MTG2: variants seen among roughly 807,000 people sequenced by gnomAD.
MTG2 encodes mitochondrial ribosome associated GTPase 2, also known as mitochondrial ribosome-associated GTPase 2.
In MTG2, 23 loss-of-function variants were observed where a neutral mutation model predicts 28.6. The observed-to-expected ratio is 0.80, with a 90% CI of 0.58 to 1.14. The LOEUF (loss-of-function observed/expected upper bound fraction) is 1.14. MTG2 is among the 50% of genes most tolerant of loss of function. The pLI is 0.00. For synonymous variants in MTG2, 260 were observed against 251.8 expected, an observed-to-expected ratio of 1.03 and a Z score of -0.31; for missense variants, 539 against 552.0, an observed-to-expected ratio of 0.98 and a Z score of 0.24.
At chr20:62,193,018 A>AATT (rs1388306153) in intron 1 of MTG2, among the ~76,000 whole-genome samples, 2 of 152,224 alleles carry the variant, frequency 1.3e-5, no homozygotes, top group Non-Finnish European at 2.9e-5. Flanking sequence ...AACAACTTTA[A>AATT]AATTACACAG....
At position 62,198,872 on chromosome 20, in the gene MTG2, A is replaced by G. The variant is rs752506847; in HGVS notation, c.687+20A>G. On this transcript the variant is annotated intron_variant, in intron 5 of 6. Coordinates refer to ENST00000370823, the MANE Select transcript of MTG2 (RefSeq NM_015666.4). The stretch of plus-strand genomic sequence containing the variant: ...GGAATGGTAGGTGTCCCCACTGCCA[A>G]CAGCATCTGCACACACTCAGCTCTA... 2 of 1,613,434 alleles carry G rather than the reference A, an allele frequency of 1.2e-6. No homozygotes were observed. Among genetic ancestry groups the G allele is most frequent in the African/African-American group, 1.3e-5 (1 of 75,048 alleles).
rs377153319 is a variant in MTG2 at position 62,195,113 on chromosome 20, A to G, written c.205-689A>G. 1.3e-3 allele frequency among the ~76,000 whole-genome samples: 198 copies of G among 152,134 alleles called. 2 individuals carry two copies. Among genetic ancestry groups the G allele is most frequent in the African/African-American group, 4.7e-3 (194 of 41,510 alleles). On this transcript the variant is annotated intron_variant, in intron 2 of 6. Transcript: ENST00000370823. ...TAGGAGGCTGAGGCAGGAGAATGGC[A>G]TGAACCTGGGAGGCAGAGCTTGCAG...
chr20:62,193,707 C>G (rs1327966703), intron 2 of MTG2, 83 bp downstream of exon 2: 2 of 1,291,416 alleles, frequency 1.5e-6, no homozygotes, highest in Non-Finnish European at 2.1e-6. Context: ...CTCTGGGTCT[C>G]ATCTCTGTTG....
At chr20:62,184,642 C>T (rs1330876394) in intron 1 of MTG2, among the ~76,000 whole-genome samples, 1 of 152,168 alleles carries the variant, frequency 6.6e-6, no homozygotes, top group Non-Finnish European at 1.5e-5. Context: ...CCTGCTCCTG[C>T]CTCCAGTCTC....
intron 1 of MTG2, among the ~76,000 whole-genome samples, chr20:62,187,985 G>A (rs1274127583): frequency 1.3e-5 from 2 of 151,892 alleles, no homozygotes; most frequent in African/African-American, 4.8e-5. Flanking sequence ...TTAAATTCTG[G>A]TATTTCATGG....
In MTG2 at chr20:62,199,270, G is replaced by C; in HGVS notation, c.826+13G>C. 1 of 1,607,264 alleles carries C rather than the reference G, an allele frequency of 6.2e-7. No homozygotes were observed. The highest frequency in any genetic ancestry group is 1.1e-5 in the South Asian group (1 of 90,888). On this transcript the variant is annotated intron_variant, in intron 6 of 6. Transcript: ENST00000370823. ...CTACAAATAGCAGGTAGAACTTCCAGAATTCTCCCAAAGGTTAGATTTAAA... is the reference window on the plus strand; with the variant it reads ...CTACAAATAGCAGGTAGAACTTCCACAATTCTCCCAAAGGTTAGATTTAAA...
intron 1 of MTG2, 32 bp from the exon 2 acceptor site, chr20:62,193,384 A>G: frequency 1.2e-6 from 2 of 1,603,968 alleles, no homozygotes; most frequent in Non-Finnish European, 1.7e-6. Context: ...CATTAAACCA[A>G]GTATCTCATT....
At position 62,198,677 on chromosome 20, in the gene MTG2, C is replaced by G. The variant is rs1429360948; in HGVS notation, c.512C>G (p.Ala171Gly). The change falls in exon 5 of 7, where the codon GCC (alanine) becomes GGC (glycine). Residue 171 changes from alanine to glycine, a missense_variant. By Grantham distance (60) the Ala-to-Gly change is moderately conservative. Coordinates refer to ENST00000370823, the MANE Select transcript of MTG2 (RefSeq NM_015666.4). Reference sequence around the variant, plus strand: ...GTGAAGGAGGGAGGCAGAGTTGTGGCCGACCTGTCTTGCGTGGGAGATGAG... The same window carrying G: ...GTGAAGGAGGGAGGCAGAGTTGTGGGCGACCTGTCTTGCGTGGGAGATGAG... Reference protein sequence around the residue: ...TLVKEGGRVVADLSCVGDEYI... With the variant: ...TLVKEGGRVVGDLSCVGDEYI... The G allele has an allele frequency of 4.3e-6, 7 of 1,613,976 alleles. No individual in the cohort carries two copies. The highest frequency in any genetic ancestry group is 5.9e-6 in the Non-Finnish European group (7 of 1,180,020).
At chr20:62,194,586 ATTT>A (rs983886181) in intron 2 of MTG2, among the ~76,000 whole-genome samples, 5 of 151,822 alleles carry the variant, frequency 3.3e-5, no homozygotes, top group African/African-American at 1.2e-4. Flanking sequence ...AAATTTTTAA[ATTT>A]TTTTTTGTGT....
intron 6 of MTG2, chr20:62,200,137 T>A (rs1355487406): frequency 6.6e-6 from 1 of 152,362 alleles, no homozygotes; most frequent in African/African-American, 2.4e-5. Context: ...CTTCCCACTC[T>A]ATTTGTCCCC....
At position 62,195,924 on chromosome 20, in the gene MTG2, C is replaced by T. The variant is rs1425763288; in HGVS notation, c.327C>T (p.Gly109=). The T allele has an allele frequency of 3.1e-6, 5 of 1,614,128 alleles. No homozygotes were observed. Among genetic ancestry groups the T allele is most frequent in the Admixed American group, 1.7e-5 (1 of 60,016 alleles). ...GAGGCCCTGATGGAGGGGACGGAGG[C>T]AACGGTGGACACGTCATTCTGAGAG... is the stretch of plus-strand genomic sequence containing the variant. ...EFGGPDGGDG[G]NGGHVILRVD... is the part of the protein sequence containing the mutation. The change falls in exon 3 of 7, where the codon GGC becomes GGT. Residue 109 remains glycine, a synonymous_variant. Transcript: ENST00000370823.
At chr20:62,184,641 G>C (rs1436823640) in intron 1 of MTG2, among the ~76,000 whole-genome samples, 2 of 152,176 alleles carry the variant, frequency 1.3e-5, no homozygotes, top group Non-Finnish European at 2.9e-5. Flanking sequence ...TCCTGCTCCT[G>C]CCTCCAGTCT....
chr20:62,194,665 AT>A (rs2058027275), intron 2 of MTG2, among the ~76,000 whole-genome samples: 1 of 151,960 alleles, frequency 6.6e-6, no homozygotes, highest in African/African-American at 2.4e-5. Flanking sequence ...AAAAAACTGC[AT>A]TTGAGGAGTA....
intron 1 of MTG2, among the ~76,000 whole-genome samples, chr20:62,184,140 C>CCT (rs1282407041): frequency 6.6e-6 from 1 of 152,246 alleles, no homozygotes; most frequent in Admixed American, 6.5e-5. Context: ...GGGCAGATCA[C>CCT]GAGGTCAGGA....
chr20:62,186,641 G>A (rs1337967469), intron 1 of MTG2, among the ~76,000 whole-genome samples: 1 of 149,854 alleles, frequency 6.7e-6, no homozygotes, highest in Non-Finnish European at 1.5e-5. Context: ...CGATTCTCCT[G>A]CCTCAGCCTC....
intron 4 of MTG2, 195 bp downstream of exon 4, chr20:62,198,162 C>T (rs1441761216): frequency 1.2e-5 from 7 of 592,160 alleles, no homozygotes; most frequent in Non-Finnish European, 2.1e-5. Flanking sequence ...GCATTTGTAC[C>T]AGGGTCTCAC....
Position 62,195,915 on chromosome 20 carries a change from G to A in MTG2, c.318G>A (p.Gly106=). 6.2e-7 allele frequency: 1 copy of A among 1,614,188 alleles called. No individual in the cohort carries two copies. Among genetic ancestry groups the A allele is most frequent in the Non-Finnish European group, 8.5e-7 (1 of 1,180,040 alleles). Residue 106 remains glycine (G), a synonymous_variant, in exon 3 of 7, where the codon GGG becomes GGA. Coordinates refer to ENST00000370823, the MANE Select transcript of MTG2 (RefSeq NM_015666.4). ...PRKEFGGPDG[G]DGGNGGHVIL... is the part of the protein sequence containing the mutation. ...AGGAGTTTGGAGGCCCTGATGGAGG[G>A]GACGGAGGCAACGGTGGACACGTCA...
Position 62,201,138 on chromosome 20 carries a change from TG to T in MTG2, c.*63del. ...TGAGCAAACCTGGGTGTGAATTCGGTGGTTTTGAATGCATAAAGTGCCTTGT... is the reference window on the plus strand; with the variant it reads ...TGAGCAAACCTGGGTGTGAATTCGGTGTTTTGAATGCATAAAGTGCCTTGT... On this transcript the variant is annotated 3_prime_UTR_variant, in exon 7 of 7. Coordinates refer to ENST00000370823, the MANE Select transcript of MTG2 (RefSeq NM_015666.4). 6.7e-7 allele frequency: 1 copy of T among 1,482,668 alleles called. No homozygotes were observed. Among genetic ancestry groups the T allele is most frequent in the East Asian group, 2.3e-5 (1 of 43,066 alleles). 91.8% of individuals were successfully genotyped at this position (1,482,668 alleles called of 1,614,324 possible).
chr20:62,192,145 G>T (rs1246195049), intron 1 of MTG2, among the ~76,000 whole-genome samples: 4 of 152,222 alleles, frequency 2.6e-5, no homozygotes, highest in Admixed American at 1.3e-4. Flanking sequence ...AGCGTTAGGG[G>T]CTCAGTCACC....
Sources: gnomAD v4.1 joint callset for allele counts (sites outside exome capture counted in the v4.1 genomes callset) on GRCh38, gnomAD v4.1.1 for gene constraint, MANE v1.5 for transcripts, NCBI Gene and HGNC (gene_info 2026-07-23, HGNC 2026-07-21) for gene names.